KHDRBS2: variants seen among roughly 807,000 people sequenced by gnomAD.
The protein encoded by KHDRBS2 is KH RNA binding domain containing, signal transduction associated 2.
KHDRBS2 carries 26 observed loss-of-function variants against 44.3 expected under a neutral mutation model. The ratio of observed to expected loss-of-function variants is 0.59; its 90% CI spans 0.43 to 0.81. The LOEUF is 0.81. KHDRBS2 is among the 40% of genes least tolerant of loss of function. The pLI is 0.00. For missense variants in KHDRBS2, 476 were observed against 433.1 expected (o/e 1.10, Z -0.88); for synonymous variants, 194 against 151.1 (o/e 1.28, Z -2.08).
chr6:62,082,641 G>A (rs976438141), intron 2 of KHDRBS2, among the ~76,000 whole-genome samples: 1 of 152,106 alleles, frequency 6.6e-6, no homozygotes, highest in African/African-American at 2.4e-5. Context: ...TTGGAATTGG[G>A]ACAGAGAACC....
chr6:62,251,245 A>G (rs1013146455), intron 1 of KHDRBS2, among the ~76,000 whole-genome samples: 11 of 151,930 alleles, frequency 7.2e-5, no homozygotes, highest in Non-Finnish European at 1.2e-4. Flanking sequence ...TTCCACTCTC[A>G]GCAAATGATT....
intron 2 of KHDRBS2, among the ~76,000 whole-genome samples, chr6:62,092,112 T>G (rs1419858493): frequency 6.6e-6 from 1 of 151,920 alleles, no homozygotes; most frequent in Non-Finnish European, 1.5e-5. Flanking sequence ...TTGCTTGATG[T>G]CTCCAGTTTT....
chr6:62,150,607 T>C (rs1015157863), intron 2 of KHDRBS2, among the ~76,000 whole-genome samples: 13 of 152,162 alleles, frequency 8.5e-5, no homozygotes, highest in Non-Finnish European at 1.6e-4. Context: ...CCACTAAAGA[T>C]TGGAATCTGA....
chr6:62,110,144 C>T (rs1253828554), intron 2 of KHDRBS2, among the ~76,000 whole-genome samples: 3 of 151,948 alleles, frequency 2.0e-5, no homozygotes, highest in Admixed American at 6.6e-5. Flanking sequence ...CTGCTACCTA[C>T]CTAATAGAAT....
the KHDRBS2 span, among the ~76,000 whole-genome samples, chr6:61,577,683 T>C: frequency 2.6e-5 from 4 of 152,108 alleles, no homozygotes; most frequent in African/African-American, 9.7e-5. Flanking sequence ...ATAACTGAAA[T>C]GTTCTTTATA....
intron 2 of KHDRBS2, among the ~76,000 whole-genome samples, chr6:62,098,788 T>C (rs1801218338): frequency 6.6e-6 from 1 of 152,204 alleles, no homozygotes; most frequent in Admixed American, 6.5e-5. Flanking sequence ...AAAGTTGCTA[T>C]TTTGATGCTA....
the KHDRBS2 span, among the ~76,000 whole-genome samples, chr6:61,572,914 A>G: frequency 6.6e-6 from 1 of 152,186 alleles, no homozygotes; most frequent in Non-Finnish European, 1.5e-5. Flanking sequence ...GGAACAAGAC[A>G]AGGATGCCCA....
intron 7 of KHDRBS2, among the ~76,000 whole-genome samples, chr6:61,703,576 C>A (rs1203626766): frequency 6.6e-6 from 1 of 151,720 alleles, no homozygotes; most frequent in Non-Finnish European, 1.5e-5. Context: ...CAGCCAGGTC[C>A]CCATCCTCAA....
At chr6:62,025,892 G>T (rs1584234674) in intron 3 of KHDRBS2, among the ~76,000 whole-genome samples, 1 of 152,040 alleles carries the variant, frequency 6.6e-6, no homozygotes, top group East Asian at 1.9e-4. Context: ...TACATCTAAA[G>T]GCTCGATTAA....
the KHDRBS2 span, among the ~76,000 whole-genome samples, chr6:61,594,340 G>A: frequency 7.9e-5 from 12 of 152,038 alleles, no homozygotes; most frequent in Non-Finnish European, 1.5e-4. Flanking sequence ...AATTTTATGA[G>A]TCCTGTTTTC....
At chr6:61,824,005 A>ATCT (rs376764456) in intron 6 of KHDRBS2, among the ~76,000 whole-genome samples, 134 of 152,258 alleles carry the variant, frequency 8.8e-4, no homozygotes, top group African/African-American at 3.1e-3. Flanking sequence ...ATTTACTTTT[A>ATCT]TCTTCAGAGT....
At chr6:61,720,106 A>T (rs901420003) in intron 7 of KHDRBS2, among the ~76,000 whole-genome samples, 1 of 152,130 alleles carries the variant, frequency 6.6e-6, no homozygotes, top group African/African-American at 2.4e-5. Flanking sequence ...AAGGACATGA[A>T]CTCATCATTT....
intron 3 of KHDRBS2, among the ~76,000 whole-genome samples, chr6:62,029,933 GA>G (rs1380720451): frequency 6.6e-6 from 1 of 151,726 alleles, no homozygotes; most frequent in African/African-American, 2.4e-5. Context: ...TTCTAAGTGA[GA>G]AAAAAACAGA....
intron 4 of KHDRBS2, among the ~76,000 whole-genome samples, chr6:61,954,874 G>GTA: frequency 5.8e-5 from 4 of 68,980 alleles, no homozygotes; most frequent in Non-Finnish European, 1.2e-4. Flanking sequence ...ACATACATAT[G>GTA]TGTATATATG....
chr6:61,971,012 A>T (rs541907978), intron 4 of KHDRBS2, among the ~76,000 whole-genome samples: 1 of 152,162 alleles, frequency 6.6e-6, no homozygotes, highest in Non-Finnish European at 1.5e-5. Context: ...TTATAGAAGA[A>T]GGAGTAGAAA....
At chr6:62,212,483 C>T (rs1455776145) in intron 1 of KHDRBS2, among the ~76,000 whole-genome samples, 1 of 151,818 alleles carries the variant, frequency 6.6e-6, no homozygotes, top group Non-Finnish European at 1.5e-5. Flanking sequence ...CTCTAAGTAC[C>T]TCAGAATATG....
the KHDRBS2 span, among the ~76,000 whole-genome samples, chr6:61,601,249 G>A: frequency 2.0e-5 from 3 of 151,880 alleles, no homozygotes; most frequent in Non-Finnish European, 2.9e-5. Flanking sequence ...TTCCTGGGGG[G>A]CAGGCACCCC....
chr6:62,059,786 G>T (rs1024457473), intron 2 of KHDRBS2, among the ~76,000 whole-genome samples: 1 of 151,422 alleles, frequency 6.6e-6, no homozygotes, highest in African/African-American at 2.4e-5. Flanking sequence ...TAAGGGAGAA[G>T]GATAGCATAG....
the KHDRBS2 span, among the ~76,000 whole-genome samples, chr6:61,595,039 C>T: frequency 2.0e-5 from 3 of 152,080 alleles, no homozygotes; most frequent in Non-Finnish European, 4.4e-5. Context: ...GTCTCTGTTT[C>T]CTTTTCTCTC....
Sources: gnomAD v4.1 joint callset for allele counts (sites outside exome capture counted in the v4.1 genomes callset) on GRCh38, gnomAD v4.1.1 for gene constraint, MANE v1.5 for transcripts, NCBI Gene and HGNC (gene_info 2026-07-23, HGNC 2026-07-21) for gene names.